Variants in LCT observed in about 807,000 individuals in gnomAD.
The protein encoded by LCT is lactase/phlorizin hydrolase.
A neutral mutation model predicts 173.0 loss-of-function variants in LCT; 90 were observed. That is an observed-to-expected ratio of 0.52 (90% CI 0.44 to 0.62). The LOEUF is 0.62. Among genes scored for constraint, LCT ranks in the 20% least tolerant of loss-of-function variants. The pLI is 0.00. For synonymous variants in LCT, 853 were observed against 957.6 expected (o/e 0.89, Z 2.02); for missense variants, 1,864 against 2,431.4 (o/e 0.77, Z 4.91).
Position 135,804,864 on chromosome 2 carries a change from A to G in LCT, c.4367T>C (p.Ile1456Thr), listed in dbSNP as rs750934490. 6.2e-7 allele frequency: 1 copy of G among 1,614,056 alleles called. No homozygotes were observed. Among genetic ancestry groups the G allele is most frequent in the East Asian group, 2.2e-5 (1 of 44,866 alleles). ...HYRFSISWSR[I>T]LPDGTTRYIN... is the part of the protein sequence containing the mutation. ...GTACCTGGTGGTTCCATCAGGGAGG[A>G]TGCGAGACCAGGAGATGGAAAAACG... The change falls in exon 10 of 17, where the codon ATC becomes ACC. Residue 1456 changes from isoleucine to threonine, a missense_variant. Physicochemically the swap from Ile to Thr is moderately conservative, Grantham distance 89. This residue lies in a region of LCT where 514 missense variants were observed against 750.1 expected (regional missense o/e 0.69). Transcript: ENST00000264162.
intron 14 of LCT, 88 bp downstream of exon 14, chr2:135,794,553 G>C: frequency 7.0e-7 from 1 of 1,423,056 alleles, no homozygotes; most frequent in Admixed American, 1.7e-5. Context: ...GCCCTGTTTT[G>C]AGGCTGGGCA....
chr2:135,812,293 C>T lies in LCT; in HGVS notation c.2353+18G>A, dbSNP rs760580798. The T allele has an allele frequency of 3.6e-5, 57 of 1,603,754 alleles. No homozygotes were observed. The South Asian group carries it at 5.9e-4, about 17-fold the overall frequency. ...GTACCACCCACCTTCCAATCACTGG[C>T]ACATCCATTGTTCTTACCCTTGAGC... On this transcript the variant is annotated intron_variant, in intron 7 of 16. Coordinates refer to ENST00000264162, the MANE Select transcript of LCT (RefSeq NM_002299.4).
intron 11 of LCT, among the ~76,000 whole-genome samples, chr2:135,802,904 G>A (rs961704830): frequency 2.0e-5 from 3 of 152,152 alleles, no homozygotes; most frequent in African/African-American, 7.2e-5. Context: ...CTGAGGTCAC[G>A]AGTTCGAGAC....
At position 135,817,479 on chromosome 2, in the gene LCT, C is replaced by T. The variant is rs376254978; in HGVS notation, c.1569G>A (p.Ala523=). ...ESVVDAFLDY[A]AFCFSTFGDR... is the part of the protein sequence containing the mutation. ...CCCCAAATGTGGAGAAGCAGAAGGCCGCATAGTCCAGGAAGGCATCCACCA... is the reference window on the plus strand; with the variant it reads ...CCCCAAATGTGGAGAAGCAGAAGGCTGCATAGTCCAGGAAGGCATCCACCA... Residue 523 remains alanine, a synonymous_variant, in exon 6 of 17, where the codon GCG becomes GCA. Transcript: ENST00000264162. 24 of 1,614,044 alleles carry T rather than the reference C, an allele frequency of 1.5e-5. No individual in the cohort carries two copies. In the Middle Eastern group the frequency reaches 4.9e-4, roughly 33 times the overall value.
Position 135,834,787 on chromosome 2 carries a change from CAAAAAAA to C in LCT, c.641-1604_641-1598del, listed in dbSNP as rs60298631. Among the ~76,000 whole-genome samples, 320 of 34,178 alleles carry C rather than the reference CAAAAAAA, an allele frequency of 9.4e-3. 2 individuals carry two copies. The highest frequency in any genetic ancestry group is 0.033 in the South Asian group (10 of 306). 22.4% of individuals were successfully genotyped at this position (34,178 alleles called of 152,430 possible). On this transcript the variant is annotated intron_variant, in intron 1 of 16. Coordinates refer to ENST00000264162, the MANE Select transcript of LCT (RefSeq NM_002299.4). Reference sequence around the variant, plus strand: ...TGGACAAAAGAGTGAGACTCCATCTCAAAAAAAAAAAAAAAAAAAAAAAGAAGAAGAA... The same window carrying C: ...TGGACAAAAGAGTGAGACTCCATCTCAAAAAAAAAAAAAAAAGAAGAAGAA...
In LCT at chr2:135,808,741, G is replaced by A. The variant is rs185927524; in HGVS notation, c.3606C>T (p.Asp1202=). The A allele has an allele frequency of 1.5e-5, 24 of 1,614,184 alleles. No individual in the cohort carries two copies. Among genetic ancestry groups the A allele is most frequent in the African/African-American group, 2.7e-5 (2 of 75,054 alleles). ...AGTAGTACGTGTTGAGGCAGAAGAC[G>A]TCGGCCGTCGCCCTGATGAACCTCT... ...EEKRFIRATA[D]VFCLNTYYSR... Residue 1202 remains aspartate, a synonymous_variant, in exon 8 of 17, where the codon GAC becomes GAT. Coordinates refer to ENST00000264162, the MANE Select transcript of LCT (RefSeq NM_002299.4).
rs2105531423 is a variant in LCT at position 135,807,239 on chromosome 2, G to T, written c.4062C>A (p.Tyr1354Ter). ...RPRTARASAR[Y>*]YTEVITNNGM... ...CGTTGTTGGTAATGACCTCTGTGTA[G>T]TACCTGGCGGAGGCTCTTGCTGTGC... Residue 1354 changes from tyrosine to a stop codon, truncating the protein, a stop_gained, in exon 9 of 17, where the codon TAC becomes TAA. Transcript: ENST00000264162. LOFTEE classifies it high-confidence loss of function. The T allele has an allele frequency of 1.2e-6, 2 of 1,614,218 alleles. No individual in the cohort carries two copies. The highest frequency in any genetic ancestry group is 1.7e-6 in the Non-Finnish European group (2 of 1,180,024).
chr2:135,817,313 T>C (rs1449459316), intron 6 of LCT, 28 bp downstream of exon 6: 1 of 1,608,094 alleles, frequency 6.2e-7, no homozygotes, highest in African/African-American at 1.3e-5. Context: ...CTCCTCCAAT[T>C]AGTAGGAGCT....
chr2:135,830,091 G>A (rs1409726139), intron 2 of LCT, among the ~76,000 whole-genome samples: 3 of 152,136 alleles, frequency 2.0e-5, no homozygotes, highest in Non-Finnish European at 4.4e-5. Flanking sequence ...CTTCAGCCAC[G>A]CATGGCTCCA....
chr2:135,828,160 G>C (rs2077902208), intron 3 of LCT, among the ~76,000 whole-genome samples: 1 of 152,150 alleles, frequency 6.6e-6, no homozygotes, highest in Admixed American at 6.6e-5. Context: ...AAGTAGCTGA[G>C]ACTACAGGTG....
chr2:135,836,716 C>T lies in LCT; in HGVS notation c.454G>A (p.Ala152Thr), dbSNP rs114525655. The stretch of plus-strand genomic sequence containing the variant: ...TGGAAGGCGAATGTGGCATAGTCGG[C>T]GAAGAGGTCAGCAAAGGCTTCGGTT... ...RRTEAFADLF[A>T]DYATFAFHSF... Residue 152 changes from alanine (A) to threonine (T), a missense_variant, in exon 1 of 17, where the codon GCC (alanine) becomes ACC (threonine). Around this residue, in one of 4 missense-constraint regions of LCT, gnomAD observed 412 missense variants for 462.0 expected, o/e 0.89. Transcript: ENST00000264162. The T allele has an allele frequency of 2.3e-3, 3,736 of 1,614,100 alleles. 74 individuals carry two copies. The African/African-American group carries it at 0.043, about 18-fold the overall frequency.
intron 7 of LCT, among the ~76,000 whole-genome samples, chr2:135,811,927 A>AT (rs1176777736): frequency 6.6e-6 from 1 of 151,886 alleles, no homozygotes; most frequent in African/African-American, 2.4e-5. Context: ...AAAAAAAAAA[A>AT]AAATAAGCCA....
intron 16 of LCT, 51 bp from the exon 17 acceptor site, chr2:135,788,595 C>A: frequency 8.5e-7 from 1 of 1,180,400 alleles, no homozygotes; most frequent in South Asian, 1.2e-5. Context: ...GATTTGAGTT[C>A]TCAGATCTCT....
chr2:135,819,153 A>C (rs1041978172), intron 5 of LCT, among the ~76,000 whole-genome samples: 2 of 152,152 alleles, frequency 1.3e-5, no homozygotes, highest in East Asian at 3.9e-4. Context: ...ATACACATAC[A>C]TGTTTATGTG....
At chr2:135,796,700 T>A (rs911797794) in intron 13 of LCT, among the ~76,000 whole-genome samples, 1 of 152,208 alleles carries the variant, frequency 6.6e-6, no homozygotes, top group Non-Finnish European at 1.5e-5. Flanking sequence ...GATGGAGAAC[T>A]GTCTTTCCAG....
chr2:135,788,598 A>C, intron 16 of LCT, 54 bp from the exon 17 acceptor site: 3 of 1,121,270 alleles, frequency 2.7e-6, no homozygotes, highest in Non-Finnish European at 4.1e-6. Context: ...TTGAGTTCTC[A>C]GATCTCTGAG....
intron 3 of LCT, among the ~76,000 whole-genome samples, chr2:135,827,786 T>A (rs2077899815): frequency 6.6e-6 from 1 of 152,172 alleles, no homozygotes; most frequent in Non-Finnish European, 1.5e-5. Flanking sequence ...TGCAGCCAGG[T>A]TCCTAACAGG....
At chr2:135,803,862 G>C (rs1306828580) in intron 11 of LCT, 68 bp downstream of exon 11, 1 of 1,446,076 alleles carries the variant, frequency 6.9e-7, no homozygotes, top group Admixed American at 1.9e-5. Context: ...GTGCCATCTG[G>C]ATTTCAACTC....
chr2:135,819,411 G>C (rs2077809471), intron 5 of LCT, among the ~76,000 whole-genome samples: 1 of 152,064 alleles, frequency 6.6e-6, no homozygotes, highest in Non-Finnish European at 1.5e-5. Flanking sequence ...GGTCGGCCTT[G>C]AGGAGTGTGG....
Sources: gnomAD v4.1 joint callset for allele counts (sites outside exome capture counted in the v4.1 genomes callset) on GRCh38, gnomAD v4.1.1 for gene constraint, gnomAD v4.1.1 regional missense constraint, MANE v1.5 for transcripts, NCBI Gene and HGNC (gene_info 2026-07-23, HGNC 2026-07-21) for gene names.